Variants in MTCL1 observed in about 807,000 individuals in gnomAD.
The protein encoded by MTCL1 is microtubule crosslinking factor 1, also known as microtubule cross-linking factor 1.
In MTCL1, 79 loss-of-function variants were observed where a neutral mutation model predicts 141.4. The ratio of observed to expected loss-of-function variants is 0.56; its 90% CI spans 0.47 to 0.67. The LOEUF (loss-of-function observed/expected upper bound fraction) is 0.67, where lower values mean the gene tolerates loss of function less well. Among genes scored for constraint, MTCL1 ranks in the 30% least tolerant of loss-of-function variants. MTCL1 has a pLI of 0.00. For synonymous variants in MTCL1, 914 were observed against 875.8 expected (o/e 1.04, Z -0.77); for missense variants, 2,177 against 2,113.9 (o/e 1.03, Z -0.59).
exon 6 of MTCL1, chr18:8,783,915 T>C (rs2096541282): frequency 1.2e-6 from 2 of 1,613,472 alleles, no homozygotes; most frequent in Middle Eastern, 1.6e-4. Context: ...GGTGACTCCC[T>C]GGAGTCCTCC....
intron 15 of MTCL1, among the ~76,000 whole-genome samples, chr18:8,827,055 G>A (rs551711038): frequency 3.9e-5 from 6 of 152,364 alleles, no homozygotes; most frequent in South Asian, 2.1e-4. Flanking sequence ...CAGAGAGGAC[G>A]TGTCTGTCCA....
intron 10 of MTCL1, among the ~76,000 whole-genome samples, chr18:8,800,211 C>G (rs549455583): frequency 6.6e-6 from 1 of 152,202 alleles, no homozygotes; most frequent in Non-Finnish European, 1.5e-5. Context: ...AGCTGGGATG[C>G]AAGAGCCAGG....
intron 16 of MTCL1, chr18:8,829,562 C>T: frequency 1.0e-6 from 1 of 982,700 alleles, no homozygotes; most frequent in African/African-American, 1.7e-5. Context: ...TATCTTGAGA[C>T]CTTCCCTCAG....
At chr18:8,821,083 ACTCTCT>A (rs143749385) in intron 13 of MTCL1, among the ~76,000 whole-genome samples, 5 of 149,052 alleles carry the variant, frequency 3.4e-5, no homozygotes, top group Non-Finnish European at 7.5e-5. Context: ...ACACATGCAC[ACTCTCT>A]CTCTCTCTCT....
chr18:8,763,457 C>T (rs1461186032), intron 4 of MTCL1, among the ~76,000 whole-genome samples: 1 of 152,244 alleles, frequency 6.6e-6, no homozygotes, highest in African/African-American at 2.4e-5. Flanking sequence ...GCCTGTGAAT[C>T]TGGCTCAGGC....
chr18:8,745,108 A>T (rs1233397636), intron 4 of MTCL1, among the ~76,000 whole-genome samples: 2 of 152,260 alleles, frequency 1.3e-5, no homozygotes, highest in African/African-American at 4.8e-5. Context: ...TTATAAGTAA[A>T]GTTCATGACC....
chr18:8,794,485 C>CT (rs1368549472), intron 8 of MTCL1, among the ~76,000 whole-genome samples: 1 of 152,198 alleles, frequency 6.6e-6, no homozygotes, highest in Non-Finnish European at 1.5e-5. Context: ...CCAGGAGGGC[C>CT]TAGGCGCGGT....
At chr18:8,790,658 A>C (rs2075690152) in intron 7 of MTCL1, among the ~76,000 whole-genome samples, 1 of 152,244 alleles carries the variant, frequency 6.6e-6, no homozygotes, top group African/African-American at 2.4e-5. Context: ...ATCCTCTTAA[A>C]TACATCGCTG....
chr18:8,765,636 G>C (rs114869033), intron 4 of MTCL1, among the ~76,000 whole-genome samples: 23 of 152,164 alleles, frequency 1.5e-4, no homozygotes, highest in Admixed American at 1.3e-3. Context: ...GCAGCTACTC[G>C]GGCAAGCCAC....
chr18:8,829,307 A>AG, intron 16 of MTCL1: 2 of 985,412 alleles, frequency 2.0e-6, no homozygotes, highest in Non-Finnish European at 2.4e-6. Context: ...GTCTTGCCTG[A>AG]GGGGGTCTTT....
intron 8 of MTCL1, 95 bp from the exon 8 acceptor site, chr18:8,796,137 A>C (rs1411053240): frequency 1.6e-6 from 2 of 1,221,026 alleles, no homozygotes. Context: ...GCAGCATGAC[A>C]GAGACTGAGT....
intron 4 of MTCL1, among the ~76,000 whole-genome samples, chr18:8,740,566 T>C (rs2096297020): frequency 6.6e-6 from 1 of 152,166 alleles, no homozygotes; most frequent in Admixed American, 6.5e-5. Context: ...CATTGCAACC[T>C]CCACCTCCTG....
Position 8,705,868 on chromosome 18 carries a change from C to T in MTCL1, c.208C>T (p.Pro70Ser), listed in dbSNP as rs1362113859. ...GGCCGTCCCCTCCTCGGGCCGAGCC[C>T]CGGCTCCCGCCGCCCCGCGCTCGCC... The change falls in exon 1 of 14, where the codon CCG (proline) becomes TCG (serine). Residue 70 changes from proline (P) to serine (S), a missense_variant. By Grantham distance (74) the Pro-to-Ser change is moderately conservative (BLOSUM62 -1). Transcript: ENST00000306329. The surrounding 1 kb of genome is among the most constrained non-coding windows in gnomAD (Gnocchi z 5.2). The T allele has an allele frequency of 2.6e-6, 3 of 1,136,670 alleles. No individual in the cohort carries two copies. Among genetic ancestry groups the T allele is most frequent in the Admixed American group, 4.9e-5 (1 of 20,512 alleles). The allele number at this position is 1,136,670 out of a possible 1,614,324, so 70.4% of individuals were successfully genotyped here. A position where few individuals can be genotyped will look rare whatever the true frequency, so the allele number is the denominator to read the frequency against.
intron 1 of MTCL1, among the ~76,000 whole-genome samples, chr18:8,710,331 ACAG>A (rs2096080361): frequency 2.2e-5 from 1 of 44,462 alleles, no homozygotes; most frequent in South Asian, 6.0e-4. Context: ...GAAAACACAG[ACAG>A]AAAAGCACTC....
At chr18:8,829,508 A>AT (rs2077129017) in intron 16 of MTCL1, 2 of 953,624 alleles carry the variant, frequency 2.1e-6, no homozygotes, top group African/African-American at 3.5e-5. Flanking sequence ...TGCTCAATAA[A>AT]TATTTGTTGA....
intron 11 of MTCL1, among the ~76,000 whole-genome samples, chr18:8,811,522 TATATATATAC>T (rs1052539023): frequency 4.1e-5 from 6 of 148,006 alleles, no homozygotes; most frequent in African/African-American, 1.3e-4. Flanking sequence ...TTAATCTTTA[TATATATATAC>T]ATATATATAT....
At chr18:8,713,405 C>A (rs938085583), upstream of MTCL1, among the ~76,000 whole-genome samples, 2 of 152,194 alleles carry the variant, frequency 1.3e-5, no homozygotes, top group African/African-American at 4.8e-5. Flanking sequence ...CTCTAAATTA[C>A]ACCTGTCAGA....
intron 9 of MTCL1, among the ~76,000 whole-genome samples, chr18:8,797,300 T>C (rs2075959923): frequency 6.6e-6 from 1 of 152,258 alleles, no homozygotes; most frequent in Non-Finnish European, 1.5e-5. Flanking sequence ...TTTCTAAGCT[T>C]CAGATGAGTC....
At chr18:8,829,847 C>T (rs1242842561) in intron 16 of MTCL1, 3 of 985,092 alleles carry the variant, frequency 3.0e-6, no homozygotes, top group Non-Finnish European at 3.6e-6. Flanking sequence ...CTTGTACATG[C>T]CGGTGTGTTA....
Sources: gnomAD v4.1 joint callset for allele counts (sites outside exome capture counted in the v4.1 genomes callset) on GRCh38, gnomAD v4.1.1 for gene constraint, Gnocchi (gnomAD v3.1) non-coding constraint, MANE v1.5 for transcripts, NCBI Gene and HGNC (gene_info 2026-07-23, HGNC 2026-07-21) for gene names.